Variants in USP18 observed in about 807,000 individuals in gnomAD.
USP18 encodes ubl carboxyl-terminal hydrolase 18.
Under a neutral mutation model 48.7 loss-of-function variants are expected in USP18, and 11 were observed. The ratio of observed to expected loss-of-function variants is 0.23; its 90% confidence interval spans 0.14 to 0.37. The LOEUF is 0.37. Ranked by LOEUF, USP18 falls within the 10% of genes least tolerant of loss-of-function variation. USP18 has a pLI of 1.00. For synonymous variants in USP18, 114 were observed against 163.2 expected, an observed-to-expected ratio of 0.70 and a Z score of 2.30; for missense variants, 285 against 436.4, an observed-to-expected ratio of 0.65 and a Z score of 3.09.
chr22:18,169,527 G>C (rs545622367), intron 6 of USP18, among the ~76,000 whole-genome samples: 278 of 152,330 alleles, frequency 1.8e-3, no homozygotes, highest in Non-Finnish European at 3.4e-3. Context: ...GGTGAACTGA[G>C]ATCGCGCCCC....
At chr22:18,174,213 G>GTTTTC (rs897321034) in intron 10 of USP18, among the ~76,000 whole-genome samples, 9 of 148,260 alleles carry the variant, frequency 6.1e-5, no homozygotes, top group East Asian at 3.9e-4. Context: ...TTCTTGTATG[G>GTTTTC]TTTTCTTTTC....
At chr22:18,158,476 T>C (rs1824243484) in intron 2 of USP18, among the ~76,000 whole-genome samples, 1 of 152,136 alleles carries the variant, frequency 6.6e-6, no homozygotes, top group Admixed American at 6.5e-5. Flanking sequence ...CTCCTGATAG[T>C]CTGGGAGTAG....
At chr22:18,162,557 G>A (rs1394185018) in intron 4 of USP18, among the ~76,000 whole-genome samples, 1 of 149,880 alleles carries the variant, frequency 6.7e-6, no homozygotes, top group Non-Finnish European at 1.5e-5. Context: ...GTGTCTTGAT[G>A]TGGGTTGCTT....
At chr22:18,171,484 T>A (rs1313972580) in intron 8 of USP18, among the ~76,000 whole-genome samples, 1 of 143,604 alleles carries the variant, frequency 7.0e-6, no homozygotes, top group Non-Finnish European at 1.5e-5. Flanking sequence ...AAAAAAAAAA[T>A]TAGCTGGGTG....
At chr22:18,155,555 C>T (rs371882527) in intron 1 of USP18, among the ~76,000 whole-genome samples, 2 of 152,280 alleles carry the variant, frequency 1.3e-5, no homozygotes, top group East Asian at 1.9e-4. Flanking sequence ...TGGGGCTGCA[C>T]GCGGTGCTTG....
chr22:18,163,686 A>G (rs1302999636), intron 4 of USP18, among the ~76,000 whole-genome samples: 1 of 151,910 alleles, frequency 6.6e-6, no homozygotes, highest in African/African-American at 2.4e-5. Context: ...AAAGAAAAAT[A>G]CCTCTCCCAG....
intron 7 of USP18, among the ~76,000 whole-genome samples, chr22:18,170,404 T>C (rs1287453886): frequency 1.3e-5 from 2 of 152,188 alleles, no homozygotes; most frequent in Admixed American, 6.5e-5. Flanking sequence ...TGGCTTCTCA[T>C]GTCGCATCAC....
Position 18,173,277 on chromosome 22 carries a change from G to C in USP18, c.1019G>C (p.Cys340Ser), listed in dbSNP as rs769602567. Residue 340 changes from cysteine to serine, a missense_variant, in exon 9 of 11, where the codon TGC becomes TCC. This residue lies in a region of USP18 where 44 missense variants were observed against 64.4 expected (regional missense o/e 0.68). Coordinates refer to ENST00000215794, the MANE Select transcript of USP18 (RefSeq NM_017414.4). ...KWFCFNDSNI[C>S]LVSWEDIQCT... Reference sequence around the variant, plus strand: ...TTCTGCTTCAATGACTCCAATATTTGCTTGGTAAGAAACATCATCCACAAT... The same window carrying C: ...TTCTGCTTCAATGACTCCAATATTTCCTTGGTAAGAAACATCATCCACAAT... 2.6e-6 allele frequency: 4 copies of C among 1,565,912 alleles called. No homozygotes were observed. Among genetic ancestry groups the C allele is most frequent in the Non-Finnish European group, 3.5e-6 (4 of 1,157,468 alleles).
rs564687002 is a variant in USP18, at chr22:18,151,359, G to A, written c.-107+1137G>A. Among the ~76,000 whole-genome samples the A allele has an allele frequency of 2.0e-5, 3 of 152,280 alleles. No individual in the cohort carries two copies. In the South Asian group the frequency reaches 6.2e-4, roughly 32 times the overall value. On this transcript the variant is annotated intron_variant, in intron 1 of 10. Transcript: ENST00000215794. ...TAGGTATAATTTGTACTTTAAAGTT[G>A]TTCCAGAAAACAAGGCAAATACTGA...
At chr22:18,168,232 G>A (rs149231426) in intron 6 of USP18, among the ~76,000 whole-genome samples, 196 bp downstream of exon 6, 1,624 of 152,242 alleles carry the variant, frequency 0.011, 23 homozygotes, top group African/African-American at 0.037. Context: ...GCAGTGCAGG[G>A]CATCACATGG....
intron 2 of USP18, among the ~76,000 whole-genome samples, chr22:18,158,243 A>G (rs554145215): frequency 6.6e-6 from 1 of 152,148 alleles, no homozygotes; most frequent in Non-Finnish European, 1.5e-5. Context: ...AGCTGAGATC[A>G]CGCCACTGCA....
chr22:18,161,931 G>A lies in USP18; in HGVS notation c.396G>A (p.Val132=). 6.2e-7 allele frequency: 1 copy of A among 1,611,654 alleles called. No homozygotes were observed. The highest frequency in any genetic ancestry group is 1.1e-5 in the South Asian group (1 of 90,732). Residue 132 remains valine (V), a synonymous_variant, in exon 4 of 11, where the codon GTG becomes GTA. Coordinates refer to ENST00000215794, the MANE Select transcript of USP18 (RefSeq NM_017414.4). ...ELAYCLQKCN[V]PLFVQHDAAQ... is the part of the protein sequence containing the mutation. ...CCTACTGCCTGCAGAAGTGCAACGTGCCCTGTAAGATACCCTCCCACTGGG... is the reference window on the plus strand; with the variant it reads ...CCTACTGCCTGCAGAAGTGCAACGTACCCTGTAAGATACCCTCCCACTGGG...
rs756647369 is a variant in USP18 at position 18,161,893 on chromosome 22, C to T, written c.358C>T (p.Pro120Ser). The change falls in exon 4 of 11, where the codon CCC becomes TCC. Residue 120 changes from proline (P) to serine (S), a missense_variant. Pro to Ser is a moderately conservative substitution (Grantham distance 74). Coordinates refer to ENST00000215794, the MANE Select transcript of USP18 (RefSeq NM_017414.4). Reference protein sequence around the residue: ...MQDSRQKAVRPLELAYCLQKC... With the variant: ...MQDSRQKAVRSLELAYCLQKC... The stretch of plus-strand genomic sequence containing the variant: ...GGACAGCCGGCAGAAAGCAGTGCGG[C>T]CCCTGGAGCTGGCCTACTGCCTGCA... 8 of 1,613,926 alleles carry T rather than the reference C, an allele frequency of 5.0e-6. No homozygotes were observed. The highest frequency in any genetic ancestry group is 1.3e-5 in the African/African-American group (1 of 74,884).
chr22:18,152,049 G>A (rs959868203), intron 1 of USP18, among the ~76,000 whole-genome samples: 5 of 151,992 alleles, frequency 3.3e-5, no homozygotes, highest in Admixed American at 3.3e-4. Context: ...GGGAGACTCC[G>A]TCTCAAAAAT....
Position 18,168,404 on chromosome 22 carries a change from C to A in USP18, c.627+368C>A, listed in dbSNP as rs200418741. Among the ~76,000 whole-genome samples the A allele has an allele frequency of 3.7e-4, 51 of 136,244 alleles. No individual in the cohort carries two copies. The East Asian group carries it at 8.7e-3, about 23-fold the overall frequency. The allele number at this position is 136,244 out of a possible 152,430, so 89.4% of individuals were successfully genotyped here. A position where few individuals can be genotyped will look rare whatever the true frequency, so the allele number is the denominator to read the frequency against. ...TCATGATGCAATAACCTCCCCCCCCCCTTTTTTTTGGAGACAGAGTCTTCC... is the reference window on the plus strand; with the variant it reads ...TCATGATGCAATAACCTCCCCCCCCACTTTTTTTTGGAGACAGAGTCTTCC... On this transcript the variant is annotated intron_variant, in intron 6 of 10. Transcript: ENST00000215794.
At chr22:18,155,205 G>A (rs1929095897) in intron 1 of USP18, among the ~76,000 whole-genome samples, 2 of 152,242 alleles carry the variant, frequency 1.3e-5, no homozygotes, top group African/African-American at 2.4e-5. Flanking sequence ...GGGCCAGATC[G>A]CCAGTCCCTG....
chr22:18,156,905 C>T (rs1049314557), intron 1 of USP18, among the ~76,000 whole-genome samples: 2 of 152,224 alleles, frequency 1.3e-5, no homozygotes, highest in Non-Finnish European at 2.9e-5. Flanking sequence ...CCACTTACCT[C>T]TTCTTCCCCC....
chr22:18,174,907 TTTTGTTTG>T (rs1006696764), intron 10 of USP18, among the ~76,000 whole-genome samples: 10 of 151,880 alleles, frequency 6.6e-5, no homozygotes, highest in South Asian at 6.2e-4. Flanking sequence ...CACACTGTTT[TTTTGTTTG>T]TTTGTTTGTT....
rs533388580 is a variant in USP18 at position 18,157,773 on chromosome 22, A to G, written c.110A>G (p.Lys37Arg). 1.2e-6 allele frequency: 2 copies of G among 1,614,132 alleles called. No homozygotes were observed. Among genetic ancestry groups the G allele is most frequent in the South Asian group, 1.1e-5 (1 of 91,078 alleles). The change falls in exon 2 of 11, where the codon AAG becomes AGG. Residue 37 changes from lysine to arginine, a missense_variant. Physicochemically the swap from Lys to Arg is conservative, Grantham distance 26. Transcript: ENST00000215794. ...EEKKEEDSNM[K>R]REQPRERPRA... ...AAGAAGGAAGAAGACAGCAACATGA[A>G]GAGAGAGCAGCCCAGAGAGCGTCCC...
Sources: allele counts gnomAD v4.1 joint callset (sites outside exome capture counted in the v4.1 genomes callset), GRCh38; gene constraint gnomAD v4.1.1; regional missense constraint gnomAD v4.1.1; transcripts MANE v1.5; gene names NCBI Gene and HGNC (gene_info 2026-07-23, HGNC 2026-07-21).